The following CFAP61 variants were observed in gnomAD, a reference collection of about 807,000 sequenced individuals.
The protein encoded by CFAP61 is cilia- and flagella-associated protein 61.
Under a neutral mutation model 135.6 loss-of-function variants are expected in CFAP61, and 107 were observed. The ratio of observed to expected loss-of-function variants is 0.79; its 90% CI spans 0.67 to 0.93. CFAP61 has a LOEUF of 0.93. CFAP61 is among the 40% of genes least tolerant of loss of function. The probability of loss-of-function intolerance (pLI) is 0.00; values close to 1 mark genes in which losing one functional copy is unlikely to be tolerated. For synonymous variants in CFAP61, 575 were observed against 578.5 expected, an observed-to-expected ratio of 0.99 and a Z score of 0.09; for missense variants, 1,507 against 1,556.2, an observed-to-expected ratio of 0.97 and a Z score of 0.53.
chr20:20,065,939 A>G lies in CFAP61; in HGVS notation c.144-4915A>G, dbSNP rs548584595. Among the ~76,000 whole-genome samples the G allele has an allele frequency of 5.3e-5, 8 of 152,284 alleles. No individual in the cohort carries two copies. The East Asian group carries it at 9.7e-4, about 18-fold the overall frequency. On this transcript the variant is annotated intron_variant, in intron 2 of 26. Coordinates refer to ENST00000245957, the MANE Select transcript of CFAP61 (RefSeq NM_015585.4). ...CAGAAAAAGCGAGTGCTGTTTCTCT[A>G]TGATGGAAATCTTAGAAAATCTTTT...
intron 25 of CFAP61, among the ~76,000 whole-genome samples, chr20:20,303,589 C>A (rs555078451): frequency 6.6e-6 from 1 of 152,064 alleles, no homozygotes; most frequent in Admixed American, 6.5e-5. Flanking sequence ...CTAATTTTTG[C>A]GCCAGCACTC....
intron 8 of CFAP61, among the ~76,000 whole-genome samples, chr20:20,117,726 C>G (rs1398998130): frequency 6.6e-6 from 1 of 152,070 alleles, no homozygotes; most frequent in Non-Finnish European, 1.5e-5. Context: ...CATGGATTAT[C>G]TTTCCATTTT....
At chr20:20,209,799 G>A (rs935125801) in intron 17 of CFAP61, among the ~76,000 whole-genome samples, 3 of 152,170 alleles carry the variant, frequency 2.0e-5, no homozygotes, top group Admixed American at 1.3e-4. Flanking sequence ...TCATGGCATC[G>A]TGGCAGGCGG....
At chr20:20,230,716 C>T (rs1043821751) in intron 18 of CFAP61, among the ~76,000 whole-genome samples, 5 of 152,218 alleles carry the variant, frequency 3.3e-5, no homozygotes, top group South Asian at 4.2e-4. Flanking sequence ...CCACCATGCC[C>T]GACTCATTTT....
chr20:20,114,960 G>GT (rs2049038833), intron 8 of CFAP61, among the ~76,000 whole-genome samples: 1 of 152,052 alleles, frequency 6.6e-6, no homozygotes, highest in Non-Finnish European at 1.5e-5. Flanking sequence ...TTTATAAAAT[G>GT]TTTTTTTCTG....
intron 24 of CFAP61, among the ~76,000 whole-genome samples, chr20:20,294,808 G>A (rs1052155090): frequency 1.2e-3 from 176 of 151,098 alleles, no homozygotes; most frequent in Non-Finnish European, 1.7e-3. Flanking sequence ...GGCGCCTGTA[G>A]TCCCAGCTAC....
chr20:20,134,668 T>G (rs546426531), intron 8 of CFAP61, among the ~76,000 whole-genome samples: 9 of 152,156 alleles, frequency 5.9e-5, no homozygotes, highest in Non-Finnish European at 1.0e-4. Flanking sequence ...ACTTGATATT[T>G]TATTGGATAT....
At chr20:20,245,645 T>TA (rs1329181249) in intron 18 of CFAP61, among the ~76,000 whole-genome samples, 1 of 151,712 alleles carries the variant, frequency 6.6e-6, no homozygotes, top group Non-Finnish European at 1.5e-5. Context: ...CAGTTCCACC[T>TA]AAAAAAAATA....
intron 8 of CFAP61, among the ~76,000 whole-genome samples, chr20:20,114,008 C>T (rs1266250574): frequency 6.7e-6 from 1 of 150,142 alleles, no homozygotes; most frequent in Non-Finnish European, 1.5e-5. Context: ...ATGGCTCATG[C>T]CTGTAATTCC....
intron 8 of CFAP61, among the ~76,000 whole-genome samples, chr20:20,109,294 C>T (rs2048628611): frequency 6.6e-6 from 1 of 152,162 alleles, no homozygotes; most frequent in Non-Finnish European, 1.5e-5. Context: ...GTAATAATGT[C>T]TTTCTTCCTG....
chr20:20,168,324 A>G (rs2053978975), intron 12 of CFAP61, among the ~76,000 whole-genome samples: 1 of 152,184 alleles, frequency 6.6e-6, no homozygotes, highest in African/African-American at 2.4e-5. Flanking sequence ...CGGCCTCCCA[A>G]AGTACTGGGA....
At chr20:20,260,504 G>T (rs1342181483) in intron 20 of CFAP61, among the ~76,000 whole-genome samples, 1 of 152,208 alleles carries the variant, frequency 6.6e-6, no homozygotes, top group Non-Finnish European at 1.5e-5. Context: ...TTGTGAAAAT[G>T]CCATAATCCC....
At chr20:20,216,674 A>G (rs1244011787) in intron 17 of CFAP61, among the ~76,000 whole-genome samples, 1 of 152,238 alleles carries the variant, frequency 6.6e-6, no homozygotes, top group East Asian at 1.9e-4. Context: ...GATATTTTGA[A>G]TACTGTTTTG....
chr20:20,323,463 A>G (rs1331677371), intron 25 of CFAP61: 1 of 266,882 alleles, frequency 3.7e-6, no homozygotes, highest in Non-Finnish European at 5.8e-6. Context: ...GATTGCTGAA[A>G]ATGTTCTTTA....
In CFAP61 at chr20:20,323,740, G is replaced by A. The variant is rs78117625; in HGVS notation, c.3423-18091G>A. Among the ~76,000 whole-genome samples, 462 of 152,272 alleles carry A rather than the reference G, an allele frequency of 3.0e-3. 3 individuals are homozygous for A. The highest frequency in any genetic ancestry group is 0.011 in the African/African-American group (438 of 41,552). ...ACATGATCATTGCAGAGCCCAACAT[G>A]GGGGTTGTGGCGGGGGTATGAAATA... On this transcript the variant is annotated intron_variant, in intron 25 of 26. Transcript: ENST00000245957.
chr20:20,286,644 C>T (rs957532780), intron 22 of CFAP61, among the ~76,000 whole-genome samples: 9 of 152,198 alleles, frequency 5.9e-5, no homozygotes, highest in East Asian at 3.8e-4. Flanking sequence ...ATTCCACTGG[C>T]GTTACAGAAG....
chr20:20,217,584 C>T (rs1251029772), intron 17 of CFAP61, among the ~76,000 whole-genome samples: 2 of 152,214 alleles, frequency 1.3e-5, no homozygotes, highest in African/African-American at 4.8e-5. Flanking sequence ...CCACTGCTAT[C>T]GTTGTTCTAG....
At chr20:20,275,485 A>G (rs2053685634) in intron 21 of CFAP61, among the ~76,000 whole-genome samples, 1 of 152,232 alleles carries the variant, frequency 6.6e-6, no homozygotes, top group South Asian at 2.1e-4. Context: ...ATTGAAAAGT[A>G]TCGTCCTCTC....
rs978991043 is a variant in CFAP61, at chr20:20,359,775, A to T, written c.3514-435A>T. Among the ~76,000 whole-genome samples the T allele has an allele frequency of 6.6e-6, 1 of 152,236 alleles. No individual in the cohort carries two copies. The highest frequency in any genetic ancestry group is 1.5e-5 in the Non-Finnish European group (1 of 68,044). ...ACTAACCTGGATGACTCTTGAGGAC[A>T]TTATGCTAAGTGATATAAGCCAGTC... On this transcript the variant is annotated intron_variant, in intron 26 of 26. Coordinates refer to ENST00000245957, the MANE Select transcript of CFAP61 (RefSeq NM_015585.4). The surrounding 1 kb of genome is among the most constrained non-coding windows in gnomAD (Gnocchi z 4.0).
Sources: gnomAD v4.1 joint callset for allele counts (sites outside exome capture counted in the v4.1 genomes callset) on GRCh38, gnomAD v4.1.1 for gene constraint, Gnocchi (gnomAD v3.1) non-coding constraint, MANE v1.5 for transcripts, NCBI Gene and HGNC (gene_info 2026-07-23, HGNC 2026-07-21) for gene names.